The following KIRREL3 variants were observed in gnomAD, a reference collection of about 807,000 sequenced individuals.
KIRREL3 encodes the protein kin of IRRE-like protein 3.
In KIRREL3, 36 loss-of-function variants were observed where a neutral mutation model predicts 89.7. The observed-to-expected ratio is 0.40, with a 90% CI of 0.31 to 0.53. The LOEUF (loss-of-function observed/expected upper bound fraction) is 0.53. Ranked by LOEUF, KIRREL3 falls within the 20% of genes least tolerant of loss-of-function variation. The pLI, the probability that KIRREL3 is intolerant of heterozygous loss-of-function variation, is 0.49. For missense variants in KIRREL3, 864 were observed against 1,056.6 expected (o/e 0.82, Z 2.53); for synonymous variants, 445 against 441.4 (o/e 1.01, Z -0.10).
At chr11:126,434,793 G>A (rs1955255955) in intron 13 of KIRREL3, among the ~76,000 whole-genome samples, 2 of 152,220 alleles carry the variant, frequency 1.3e-5, no homozygotes, top group Non-Finnish European at 2.9e-5. Context: ...GGGAGGGGTG[G>A]CAAACAGCAA....
At chr11:126,494,245 A>G (rs117449332) in intron 4 of KIRREL3, among the ~76,000 whole-genome samples, 206 of 152,348 alleles carry the variant, frequency 1.4e-3, no homozygotes, top group Non-Finnish European at 2.4e-3. Context: ...GTTATTTTCC[A>G]TTACAGCCAG....
intron 1 of KIRREL3, among the ~76,000 whole-genome samples, chr11:126,774,603 C>A (rs1028046319): frequency 6.6e-6 from 1 of 152,184 alleles, no homozygotes; most frequent in Non-Finnish European, 1.5e-5. Context: ...TTGGCCTGCA[C>A]GCTCTGCACC....
rs1254835569 is a variant in KIRREL3, at chr11:126,489,872, T to C, written c.434-16406A>G. Among the ~76,000 whole-genome samples, 1 of 151,962 alleles carries C rather than the reference T, an allele frequency of 6.6e-6. No individual in the cohort carries two copies. Among genetic ancestry groups the C allele is most frequent in the Non-Finnish European group, 1.5e-5 (1 of 67,958 alleles). ...TATCAAAAAACAGGATGGTGTCGAG[T>C]TGCAGTGGGTGCGCTGGGATCAGTC... On this transcript the variant is annotated intron_variant, in intron 4 of 16. Transcript: ENST00000525144. This position sits in a 1 kb window ranked among gnomAD's most constrained non-coding sequence, Gnocchi z 5.5.
Position 126,656,192 on chromosome 11 carries a change from C to T in KIRREL3, c.56-93280G>A, listed in dbSNP as rs1945128725. ...TGCAGGTGAGTGAGGTCAGGGAGGG[C>T]TACAGAGTTAGGACTCCGAAGTCAG... is the stretch of plus-strand genomic sequence containing the variant. On this transcript the variant is annotated intron_variant, in intron 1 of 16. Transcript: ENST00000525144. This position sits in a 1 kb window ranked among gnomAD's most constrained non-coding sequence, Gnocchi z 4.0. The T allele has an allele frequency of 4.4e-6, 2 of 456,044 alleles. No homozygotes were observed. Among genetic ancestry groups the T allele is most frequent in the African/African-American group, 2.0e-5 (1 of 50,042 alleles). 28.2% of individuals were successfully genotyped at this position (456,044 alleles called of 1,614,324 possible). A position where few individuals can be genotyped will look rare whatever the true frequency, so the allele number is the denominator to read the frequency against.
rs1400903294 is a variant in KIRREL3, at chr11:126,463,045, G to T, written c.742+112C>A. On this transcript the variant is annotated intron_variant, in intron 6 of 16. Transcript: ENST00000525144. The surrounding 1 kb of genome is among the most constrained non-coding windows in gnomAD (Gnocchi z 5.9). Reference sequence around the variant, plus strand: ...GTATCTACAAGCTGGCCAATCCACAGAGCTGCCTGACCCATTTCCTGCTAT... The same window carrying T: ...GTATCTACAAGCTGGCCAATCCACATAGCTGCCTGACCCATTTCCTGCTAT... The T allele has an allele frequency of 2.9e-6, 3 of 1,029,454 alleles. No individual in the cohort carries two copies. Among genetic ancestry groups the T allele is most frequent in the African/African-American group, 3.2e-5 (2 of 63,360 alleles). 63.8% of individuals were successfully genotyped at this position (1,029,454 alleles called of 1,614,324 possible).
rs1353984449 is a variant in KIRREL3 at position 126,870,373 on chromosome 11, T to C, written c.55+130082A>G. 6.6e-6 allele frequency among the ~76,000 whole-genome samples: 1 copy of C among 152,230 alleles called. No individual in the cohort carries two copies. The highest frequency in any genetic ancestry group is 1.5e-5 in the Non-Finnish European group (1 of 68,040). ...GCTGGATTCCAATGCTGTGGCTGGC[T>C]GGAGGTCCCATCCAGTCAAGTGGCT... On this transcript the variant is annotated intron_variant, in intron 1 of 16. Coordinates refer to ENST00000525144, the MANE Select transcript of KIRREL3 (RefSeq NM_032531.4). This position sits in a 1 kb window ranked among gnomAD's most constrained non-coding sequence, Gnocchi z 4.4.
rs1591522073 is a variant in KIRREL3 at position 126,432,225 on chromosome 11, A to G, written c.1589-699T>C. ...AGGCTGCCCCTCTGAGCATCCTTGC[A>G]CCCCTCCTGGCAAGAGAGGCCCACA... On this transcript the variant is annotated intron_variant, in intron 13 of 16. Coordinates refer to ENST00000525144, the MANE Select transcript of KIRREL3 (RefSeq NM_032531.4). This position sits in a 1 kb window ranked among gnomAD's most constrained non-coding sequence, Gnocchi z 6.2. Among the ~76,000 whole-genome samples the G allele has an allele frequency of 6.6e-6, 1 of 151,050 alleles. No individual in the cohort carries two copies. The highest frequency in any genetic ancestry group is 2.4e-5 in the African/African-American group (1 of 41,074).
intron 7 of KIRREL3, 100 bp from the exon 8 acceptor site, chr11:126,449,257 T>A: frequency 7.4e-7 from 1 of 1,358,740 alleles, no homozygotes; most frequent in South Asian, 1.4e-5. Context: ...GCCTGGGTTG[T>A]GTGGCAAGTG....
intron 15 of KIRREL3, among the ~76,000 whole-genome samples, chr11:126,426,756 T>C (rs900891967): frequency 2.6e-5 from 4 of 152,194 alleles, no homozygotes; most frequent in African/African-American, 9.6e-5. Context: ...CCTTGCAACC[T>C]GCTTTCCTCG....
Position 126,771,994 on chromosome 11 carries a change from T to G in KIRREL3, c.56-209082A>C, listed in dbSNP as rs780383261. ...TCCTAAATGCCTCCTCTCCTCCTGC[T>G]TTCTGTCTGAGGTAGAGGAGAGGAG... On this transcript the variant is annotated intron_variant, in intron 1 of 16. Transcript: ENST00000525144. The surrounding 1 kb of genome is among the most constrained non-coding windows in gnomAD (Gnocchi z 4.4). Among the ~76,000 whole-genome samples, 1 of 152,212 alleles carries G rather than the reference T, an allele frequency of 6.6e-6. No individual in the cohort carries two copies. Among genetic ancestry groups the G allele is most frequent in the Non-Finnish European group, 1.5e-5 (1 of 68,034 alleles).
chr11:126,452,627 G>T (rs1477817130), intron 7 of KIRREL3, among the ~76,000 whole-genome samples: 1 of 152,222 alleles, frequency 6.6e-6, no homozygotes, highest in Non-Finnish European at 1.5e-5. Context: ...CATCACGGAG[G>T]GTGGAAGCCC....
intron 1 of KIRREL3, among the ~76,000 whole-genome samples, chr11:126,674,709 G>C (rs180684051): frequency 6.6e-6 from 1 of 152,194 alleles, no homozygotes; most frequent in East Asian, 1.9e-4. Flanking sequence ...GATGGCAGGG[G>C]CTTTGAGTTG....
At position 127,000,558 on chromosome 11, in the gene KIRREL3, G is replaced by A; in HGVS notation, c.-49C>T. The A allele has an allele frequency of 6.4e-7, 1 of 1,569,418 alleles. No homozygotes were observed. Among genetic ancestry groups the A allele is most frequent in the Non-Finnish European group, 8.6e-7 (1 of 1,156,766 alleles). On this transcript the variant is annotated 5_prime_UTR_variant, in exon 1 of 17. Coordinates refer to ENST00000525144, the MANE Select transcript of KIRREL3 (RefSeq NM_032531.4). This position sits in a 1 kb window ranked among gnomAD's most constrained non-coding sequence, Gnocchi z 7.1. ...CGGCGGGGTAACTTGGCTGTGGTTA[G>A]TTTCTCTTCCTTGGCGGCTCTCGGT...
At chr11:126,934,311 C>A (rs1042611531) in intron 1 of KIRREL3, among the ~76,000 whole-genome samples, 1 of 152,076 alleles carries the variant, frequency 6.6e-6, no homozygotes, top group Non-Finnish European at 1.5e-5. Context: ...CACAAATTAA[C>A]CCCAAATTGA....
At chr11:126,702,829 G>A (rs1218830947) in intron 1 of KIRREL3, among the ~76,000 whole-genome samples, 1 of 152,184 alleles carries the variant, frequency 6.6e-6, no homozygotes, top group African/African-American at 2.4e-5. Context: ...GTGGTCCCCT[G>A]AAGAAAGACC....
chr11:126,819,061 T>C (rs1183852898), intron 1 of KIRREL3, among the ~76,000 whole-genome samples: 1 of 152,214 alleles, frequency 6.6e-6, no homozygotes, highest in Non-Finnish European at 1.5e-5. Flanking sequence ...GGCAGCCATG[T>C]GCATGTTGGA....
chr11:126,834,421 T>C (rs1320808326), intron 1 of KIRREL3, among the ~76,000 whole-genome samples: 1 of 152,152 alleles, frequency 6.6e-6, no homozygotes, highest in Admixed American at 6.5e-5. Flanking sequence ...ACAGATAAAA[T>C]GTGGAAGTTA....
Position 126,653,629 on chromosome 11 carries a change from C to T in KIRREL3, c.56-90717G>A, listed in dbSNP as rs1463029319. Among the ~76,000 whole-genome samples, 1 of 152,160 alleles carries T rather than the reference C, an allele frequency of 6.6e-6. No individual in the cohort carries two copies. The highest frequency in any genetic ancestry group is 2.4e-5 in the African/African-American group (1 of 41,446). On this transcript the variant is annotated intron_variant, in intron 1 of 16. Transcript: ENST00000525144. This position sits in a 1 kb window ranked among gnomAD's most constrained non-coding sequence, Gnocchi z 5.4. Reference sequence around the variant, plus strand: ...TGTGAAGGAGCTCTTTTCAAGGTCACACGGACACTCTGACCCGACTCTCTC... The same window carrying T: ...TGTGAAGGAGCTCTTTTCAAGGTCATACGGACACTCTGACCCGACTCTCTC...
In KIRREL3 at chr11:126,821,347, A is replaced by ATATATATATATATATATATATG. The variant is rs1344371968; in HGVS notation, c.55+179107_55+179108insCATATATATATATATATATATA. On this transcript the variant is annotated intron_variant, in intron 1 of 16. Transcript: ENST00000525144. ...AAACACAGTATATATATATATATAT[A>ATATATATATATATATATATATG]TATATGTAACTTCCAACCAACATCC... Among the ~76,000 whole-genome samples, 53 of 115,918 alleles carry ATATATATATATATATATATATG rather than the reference A, an allele frequency of 4.6e-4. 2 individuals carry two copies. The highest frequency in any genetic ancestry group is 1.0e-3 in the African/African-American group (30 of 28,748). The allele number at this position is 115,918 out of a possible 152,430, so 76.0% of individuals were successfully genotyped here.
Sources: allele counts gnomAD v4.1 joint callset (sites outside exome capture counted in the v4.1 genomes callset), GRCh38; gene constraint gnomAD v4.1.1; non-coding constraint Gnocchi (gnomAD v3.1); transcripts MANE v1.5; gene names NCBI Gene and HGNC (gene_info 2026-07-23, HGNC 2026-07-21).